The following SCAF1 variants were observed in gnomAD, a reference collection of about 807,000 sequenced individuals.
SCAF1 encodes the protein splicing factor, arginine/serine-rich 19.
In SCAF1, 28 loss-of-function variants were observed where a neutral mutation model predicts 91.2. The observed-to-expected ratio is 0.31, with a 90% CI of 0.23 to 0.42. The LOEUF (loss-of-function observed/expected upper bound fraction) is 0.42, where lower values mean the gene tolerates loss of function less well. SCAF1 is among the 10% of genes least tolerant of loss of function. SCAF1 has a pLI of 1.00. For missense variants in SCAF1, 1,893 were observed against 1,872.1 expected, an observed-to-expected ratio of 1.01 and a Z score of -0.21; for synonymous variants, 1,036 against 833.7, an observed-to-expected ratio of 1.24 and a Z score of -4.18.
intron 6 of SCAF1, among the ~76,000 whole-genome samples, chr19:49,649,404 T>C (rs1485807055): frequency 6.6e-6 from 1 of 152,210 alleles, no homozygotes; most frequent in African/African-American, 2.4e-5. Flanking sequence ...CCTCCGCTTA[T>C]CCTGGGAAGT....
chr19:49,651,438 G>GC lies in SCAF1; in HGVS notation c.1049_1050insC (p.Arg351AlafsTer302). Reference sequence around the variant, plus strand: ...ACCCGGGCTGATGGAGCCATGCGCCGGCGGGTCTTCGTGGTGGGGACCGAG... The same window carrying GC: ...ACCCGGGCTGATGGAGCCATGCGCCGCGCGGGTCTTCGTGGTGGGGACCGAG... On this transcript the variant is annotated frameshift_variant, in exon 7 of 11. Coordinates refer to ENST00000360565, the MANE Select transcript of SCAF1 (RefSeq NM_021228.3). LOFTEE classifies it high-confidence loss of function. The GC allele has an allele frequency of 6.3e-7, 1 of 1,596,634 alleles. No homozygotes were observed. Among genetic ancestry groups the GC allele is most frequent in the Non-Finnish European group, 8.5e-7 (1 of 1,172,184 alleles).
rs2081059399 is a variant in SCAF1, at chr19:49,646,973, A to G, written c.478+143A>G. ...TCGTATTAGACGTGATTAAGGCTGT[A>G]GGCGCATACAGATGTACATAAAGTA... On this transcript the variant is annotated intron_variant, in intron 6 of 10. Transcript: ENST00000360565. The surrounding 1 kb of genome is among the most constrained non-coding windows in gnomAD (Gnocchi z 5.6). 3 of 654,188 alleles carry G rather than the reference A, an allele frequency of 4.6e-6. No homozygotes were observed. The Admixed American group carries it at 8.7e-5, about 19-fold the overall frequency. 40.5% of individuals were successfully genotyped at this position (654,188 alleles called of 1,614,324 possible).
Position 49,645,218 on chromosome 19 carries a change from G to A in SCAF1, c.108+84G>A. The A allele has an allele frequency of 6.7e-7, 1 of 1,492,880 alleles. No individual in the cohort carries two copies. Among genetic ancestry groups the A allele is most frequent in the South Asian group, 1.1e-5 (1 of 88,030 alleles). The allele number at this position is 1,492,880 out of a possible 1,614,324, so 92.5% of individuals were successfully genotyped here. A position where few individuals can be genotyped will look rare whatever the true frequency, so the allele number is the denominator to read the frequency against. ...GGGCCTGACTCCAGGGCCTGAGGCA[G>A]GGGCGCTGGACTCTTGGCTCCCTTG... On this transcript the variant is annotated intron_variant, in intron 2 of 10. Coordinates refer to ENST00000360565, the MANE Select transcript of SCAF1 (RefSeq NM_021228.3). The surrounding 1 kb of genome is among the most constrained non-coding windows in gnomAD (Gnocchi z 4.6).
In SCAF1 at chr19:49,653,572, G is replaced by A. The variant is rs776707415; in HGVS notation, c.3183G>A (p.Ala1061=). Residue 1061 remains alanine (A), a synonymous_variant, in exon 7 of 11, where the codon GCG becomes GCA. Transcript: ENST00000360565. ...AAAAPSTAPS[A]GSTAGDSGAE... is the part of the protein sequence containing the mutation. ...CCGCCCCAAGCACTGCCCCCAGCGC[G>A]GGGTCCACAGCCGGTGACTCGGGGG... 2.9e-4 allele frequency: 453 copies of A among 1,588,342 alleles called. 6 individuals are homozygous for A. Among genetic ancestry groups the A allele is most frequent in the South Asian group, 1.8e-4 (16 of 88,616 alleles).
In SCAF1 at chr19:49,652,651, G is replaced by A. The variant is rs781162257; in HGVS notation, c.2262G>A (p.Ser754=). Residue 754 remains serine, a synonymous_variant, in exon 7 of 11, where the codon TCG becomes TCA. Coordinates refer to ENST00000360565, the MANE Select transcript of SCAF1 (RefSeq NM_021228.3). ...GCAGCCAGAAGGATCGGCGCCGCTC[G>A]GGGGCCGCCTCCTCCTCCTCCTCTT... ...GKSSQKDRRR[S]GAASSSSSSR... The A allele has an allele frequency of 4.5e-6, 7 of 1,560,124 alleles. No homozygotes were observed. Among genetic ancestry groups the A allele is most frequent in the Middle Eastern group, 1.7e-4 (1 of 5,996 alleles).
chr19:49,652,896 A>G lies in SCAF1; in HGVS notation c.2507A>G (p.Lys836Arg). 1.2e-6 allele frequency: 2 copies of G among 1,613,964 alleles called. No individual in the cohort carries two copies. The highest frequency in any genetic ancestry group is 1.7e-6 in the Non-Finnish European group (2 of 1,179,988). The change falls in exon 7 of 11, where the codon AAG becomes AGG. Residue 836 changes from lysine (K) to arginine (R), a missense_variant. By Grantham distance (26) the Lys-to-Arg change is conservative. Coordinates refer to ENST00000360565, the MANE Select transcript of SCAF1 (RefSeq NM_021228.3). ...TCCCGGAAGGTGAAGCTGCAGTCCAAGGTGGCGGTGCTGATCCGCGAGGGT... is the reference window on the plus strand; with the variant it reads ...TCCCGGAAGGTGAAGCTGCAGTCCAGGGTGGCGGTGCTGATCCGCGAGGGT... Reference protein sequence around the residue: ...CSSRKVKLQSKVAVLIREGVS... With the variant: ...CSSRKVKLQSRVAVLIREGVS...
In SCAF1 at chr19:49,645,918, A is replaced by G. The variant is rs540913268; in HGVS notation, c.167-190A>G. Among the ~76,000 whole-genome samples the G allele has an allele frequency of 2.0e-5, 3 of 152,240 alleles. No individual in the cohort carries two copies. The highest frequency in any genetic ancestry group is 7.2e-5 in the African/African-American group (3 of 41,534). On this transcript the variant is annotated intron_variant, in intron 3 of 10. Transcript: ENST00000360565. This position sits in a 1 kb window ranked among gnomAD's most constrained non-coding sequence, Gnocchi z 4.6. ...TGTCTGAGGGCAGACAGGAGGACGAATGGCTGAGCGTCGCAGCCTCTGAAG... is the reference window on the plus strand; with the variant it reads ...TGTCTGAGGGCAGACAGGAGGACGAGTGGCTGAGCGTCGCAGCCTCTGAAG...
chr19:49,643,099 C>G (rs890923062), intron 1 of SCAF1, among the ~76,000 whole-genome samples: 1 of 152,148 alleles, frequency 6.6e-6, no homozygotes, highest in Non-Finnish European at 1.5e-5. Flanking sequence ...TTTTGCCCAG[C>G]TTAGATATAC....
rs752209930 is a variant in SCAF1 at position 49,653,605 on chromosome 19, C to G, written c.3216C>G (p.Asp1072Glu). The G allele has an allele frequency of 6.3e-7, 1 of 1,582,748 alleles. No individual in the cohort carries two copies. The highest frequency in any genetic ancestry group is 8.5e-7 in the Non-Finnish European group (1 of 1,169,964). The stretch of plus-strand genomic sequence containing the variant: ...CAGCCGGTGACTCGGGGGCGGAGGA[C>G]GGGCCAGCTTCCCGTGTCTCCCAGC... ...GSTAGDSGAE[D>E]GPASRVSQLP... is the part of the protein sequence containing the mutation. Residue 1072 changes from aspartate to glutamate, a missense_variant, in exon 7 of 11, where the codon GAC (aspartate) becomes GAG (glutamate). Coordinates refer to ENST00000360565, the MANE Select transcript of SCAF1 (RefSeq NM_021228.3).
chr19:49,651,498 A>G lies in SCAF1; in HGVS notation c.1109A>G (p.Glu370Gly). The G allele has an allele frequency of 1.3e-6, 2 of 1,576,342 alleles. No homozygotes were observed. The highest frequency in any genetic ancestry group is 2.3e-5 in the East Asian group (1 of 43,104). Residue 370 changes from glutamate (E) to glycine (G), a missense_variant, in exon 7 of 11, where the codon GAG (glutamate) becomes GGG (glycine). Glu to Gly is a moderately conservative substitution (Grantham distance 98). Transcript: ENST00000360565. ...TGTCGGGAAGGCAAGGTCTCGGTGGAGGTGGTGACCGCTGGTGGAGCCGCC... is the reference window on the plus strand; with the variant it reads ...TGTCGGGAAGGCAAGGTCTCGGTGGGGGTGGTGACCGCTGGTGGAGCCGCC... ...EACREGKVSV[E>G]VVTAGGAALP...
At chr19:49,653,738 G>A in intron 7 of SCAF1, 33 bp downstream of exon 7, 1 of 1,483,174 alleles carries the variant, frequency 6.7e-7, no homozygotes, top group Non-Finnish European at 8.9e-7. Flanking sequence ...TGGTGCTGGG[G>A]CAGGTGAGAC....
intron 9 of SCAF1, 76 bp from the exon 10 acceptor site, chr19:49,657,685 G>A (rs2081149265): frequency 3.3e-6 from 5 of 1,509,908 alleles, no homozygotes; most frequent in South Asian, 1.2e-5. Context: ...TGGCAGCAGA[G>A]GCGAGTGGAG....
At chr19:49,656,390 G>A (rs1013959885) in intron 9 of SCAF1, among the ~76,000 whole-genome samples, 20 of 152,198 alleles carry the variant, frequency 1.3e-4, no homozygotes, top group Admixed American at 7.8e-4. Context: ...CACTGATGTT[G>A]CTCCTGGAGT....
At chr19:49,641,816 G>A (rs1209248362), upstream of SCAF1, among the ~76,000 whole-genome samples, 1 of 152,208 alleles carries the variant, frequency 6.6e-6, no homozygotes, top group African/African-American at 2.4e-5. Context: ...ACAACATCCA[G>A]CAAGTCGTGC....
At position 49,650,964 on chromosome 19, in the gene SCAF1, C is replaced by G. The variant is rs1270160889; in HGVS notation, c.575C>G (p.Ser192Cys). The G allele has an allele frequency of 5.4e-6, 8 of 1,482,376 alleles. No individual in the cohort carries two copies. Among genetic ancestry groups the G allele is most frequent in the Non-Finnish European group, 5.5e-6 (6 of 1,085,962 alleles). 91.8% of individuals were successfully genotyped at this position (1,482,376 alleles called of 1,614,324 possible). ...GGPAPPPAPSSASSSPSPSPS... is the reference protein window; with the variant it reads ...GGPAPPPAPSCASSSPSPSPS... ...CCTGCCCCACCCCCTGCCCCCTCCTCTGCATCCTCCTCCCCTTCCCCTTCT... is the reference window on the plus strand; with the variant it reads ...CCTGCCCCACCCCCTGCCCCCTCCTGTGCATCCTCCTCCCCTTCCCCTTCT... The change falls in exon 7 of 11, where the codon TCT becomes TGT. Residue 192 changes from serine (S) to cysteine (C), a missense_variant. By Grantham distance (112) the Ser-to-Cys change is moderately radical. Transcript: ENST00000360565.
At chr19:49,656,468 G>A (rs2081139998) in intron 9 of SCAF1, among the ~76,000 whole-genome samples, 2 of 152,320 alleles carry the variant, frequency 1.3e-5, no homozygotes, top group South Asian at 4.1e-4. Flanking sequence ...TAGTCACCTG[G>A]CTTGGGAGGG....
In SCAF1 at chr19:49,651,773, G is replaced by T; in HGVS notation, c.1384G>T (p.Asp462Tyr). The T allele has an allele frequency of 7.7e-7, 1 of 1,304,454 alleles. No homozygotes were observed. The allele number at this position is 1,304,454 out of a possible 1,614,324, so 80.8% of individuals were successfully genotyped here. ...ESDGEGALQV[D>Y]LGEPAPAPPA... ...GGACGGCGAGGGCGCCCTGCAGGTG[G>T]ACCTAGGGGAGCCGGCTCCCGCGCC... Residue 462 changes from aspartate (D) to tyrosine (Y), a missense_variant, in exon 7 of 11, where the codon GAC becomes TAC. Physicochemically the swap from Asp to Tyr is radical, Grantham distance 160 (BLOSUM62 -3). Transcript: ENST00000360565.
chr19:49,646,482 T>G lies in SCAF1; in HGVS notation c.262-44T>G. On this transcript the variant is annotated intron_variant, in intron 4 of 10. Transcript: ENST00000360565. The surrounding 1 kb of genome is among the most constrained non-coding windows in gnomAD (Gnocchi z 5.6). The stretch of plus-strand genomic sequence containing the variant: ...GTGGGGAAGCAGGATTTGCCAGTCT[T>G]CATGTGACCAGGGACGGCGTAGAGC... 1 of 1,554,716 alleles carries G rather than the reference T, an allele frequency of 6.4e-7. No individual in the cohort carries two copies. The highest frequency in any genetic ancestry group is 8.9e-7 in the Non-Finnish European group (1 of 1,126,956).
chr19:49,644,538 G>A (rs1050346392), intron 1 of SCAF1, among the ~76,000 whole-genome samples: 1 of 152,188 alleles, frequency 6.6e-6, no homozygotes, highest in Non-Finnish European at 1.5e-5. Flanking sequence ...GAAGCCGTGT[G>A]GTGTTTAAGG....
Sources: allele counts gnomAD v4.1 joint callset (sites outside exome capture counted in the v4.1 genomes callset), GRCh38; gene constraint gnomAD v4.1.1; non-coding constraint Gnocchi (gnomAD v3.1); transcripts MANE v1.5; gene names NCBI Gene and HGNC (gene_info 2026-07-23, HGNC 2026-07-21).